The following CALN1 variants were observed in gnomAD, a reference collection of about 807,000 sequenced individuals.
CALN1 encodes calcium-binding protein 8.
CALN1 carries 17 observed loss-of-function variants against 30.6 expected under a neutral mutation model. The observed-to-expected ratio is 0.56, with a 90% CI of 0.38 to 0.83. The LOEUF is 0.83. Ranked by LOEUF, CALN1 falls within the 40% of genes least tolerant of loss-of-function variation. CALN1 has a pLI of 0.00. For synonymous variants in CALN1, 156 were observed against 131.4 expected (o/e 1.19, Z -1.28); for missense variants, 291 against 354.9 (o/e 0.82, Z 1.45).
intron 3 of CALN1, among the ~76,000 whole-genome samples, chr7:72,188,655 C>T (rs1790382601): frequency 6.6e-6 from 1 of 152,092 alleles, no homozygotes; most frequent in African/African-American, 2.4e-5. Flanking sequence ...CACTAAAGAA[C>T]TTACTCACGT....
rs868767682 is a variant in CALN1, at chr7:72,251,405, T to C, written c.244+27281A>G. The stretch of plus-strand genomic sequence containing the variant: ...TCTTTCCTCTGAACTACTTTTTTTT[T>C]CCTTTTTTCTTGAAACAGAGTGTTG... On this transcript the variant is annotated intron_variant, in intron 3 of 6. Coordinates refer to ENST00000395275, the MANE Select transcript of CALN1 (RefSeq NM_031468.4). 1.1e-4 allele frequency among the ~76,000 whole-genome samples: 16 copies of C among 152,250 alleles called. 1 individual carries two copies. In the South Asian group the frequency reaches 1.2e-3, roughly 12 times the overall value.
intron 3 of CALN1, among the ~76,000 whole-genome samples, chr7:72,136,158 A>C (rs1325122940): frequency 6.6e-6 from 1 of 151,616 alleles, no homozygotes; most frequent in Non-Finnish European, 1.5e-5. Flanking sequence ...TAAATAAATA[A>C]ATAAATAAAT....
intron 5 of CALN1, among the ~76,000 whole-genome samples, chr7:71,919,918 C>T (rs1794854421): frequency 6.6e-6 from 1 of 152,176 alleles, no homozygotes; most frequent in Non-Finnish European, 1.5e-5. Context: ...CGATGTGTTC[C>T]TGAGCCTGGT....
At chr7:72,229,359 C>A (rs570368240) in intron 3 of CALN1, among the ~76,000 whole-genome samples, 2 of 152,028 alleles carry the variant, frequency 1.3e-5, no homozygotes, top group Non-Finnish European at 2.9e-5. Flanking sequence ...GTGGCTCATG[C>A]CTGTAATCCC....
In CALN1 at chr7:71,782,898, A is replaced by T. The variant is rs1028780377; in HGVS notation, c.*4877T>A. On this transcript the variant is annotated 3_prime_UTR_variant, in exon 7 of 7. Coordinates refer to ENST00000395275, the MANE Select transcript of CALN1 (RefSeq NM_031468.4). ...GCTAGGATTACAGGTGCCCGACACCATGCTTGGCTAATTTTTGTATTTTTT... is the reference window on the plus strand; with the variant it reads ...GCTAGGATTACAGGTGCCCGACACCTTGCTTGGCTAATTTTTGTATTTTTT... The T allele has an allele frequency of 6.6e-6, 1 of 151,368 alleles. No homozygotes were observed. Among genetic ancestry groups the T allele is most frequent in the African/African-American group, 2.4e-5 (1 of 41,186 alleles). 9.4% of individuals were successfully genotyped at this position (151,368 alleles called of 1,614,324 possible).
chr7:72,423,022 G>C lies in CALN1; in HGVS notation c.-225-10747C>G, dbSNP rs183648150. ...CAGCTACTCAGGGGCTAAGACATGA[G>C]AATCGCTTGAACCCGGGAGATGGAG... On this transcript the variant is annotated intron_variant, in intron 1 of 6. Transcript: ENST00000395276. 2.2e-3 allele frequency among the ~76,000 whole-genome samples: 337 copies of C among 150,814 alleles called. 1 individual carries two copies. Among genetic ancestry groups the C allele is most frequent in the African/African-American group, 7.7e-3 (314 of 40,974 alleles).
chr7:72,403,709 G>A (rs1402345168), intron 1 of CALN1, among the ~76,000 whole-genome samples: 1 of 152,106 alleles, frequency 6.6e-6, no homozygotes. Flanking sequence ...TTTTCCATTC[G>A]TACCCCCGTG....
At chr7:72,207,070 A>C (rs990214852) in intron 3 of CALN1, among the ~76,000 whole-genome samples, 1 of 152,176 alleles carries the variant, frequency 6.6e-6, no homozygotes, top group Non-Finnish European at 1.5e-5. Context: ...AACTATTACA[A>C]TTTGCCAGAA....
At position 72,189,231 on chromosome 7, in the gene CALN1, G is replaced by A. The variant is rs149590145; in HGVS notation, c.245-82937C>T. ...ATGCTTATGGGTGTTCTGTCCTTTG[G>A]GGTTGATGTCAGGGAGCCAAGTGGT... On this transcript the variant is annotated intron_variant, in intron 3 of 6. Coordinates refer to ENST00000395275, the MANE Select transcript of CALN1 (RefSeq NM_031468.4). Among the ~76,000 whole-genome samples the A allele has an allele frequency of 5.3e-4, 80 of 152,228 alleles. 3 individuals carry two copies. In the East Asian group the frequency reaches 0.015, roughly 28 times the overall value.
upstream of CALN1, among the ~76,000 whole-genome samples, chr7:72,451,212 G>A (rs35614820): frequency 0.18 from 18,281 of 100,252 alleles, 1,381 homozygotes; most frequent in African/African-American, 0.22. Flanking sequence ...GAAGAAGAAG[G>A]AGGAGGAGGA....
intron 6 of CALN1, among the ~76,000 whole-genome samples, chr7:71,788,491 G>GC (rs1405135110): frequency 2.4e-5 from 3 of 126,830 alleles, no homozygotes; most frequent in Non-Finnish European, 3.4e-5. Context: ...TTTTTTTGTT[G>GC]TTTTTTTTTT....
Position 71,987,018 on chromosome 7 carries a change from C to T in CALN1, c.501+36639G>A, listed in dbSNP as rs755143487. 1.4e-4 allele frequency among the ~76,000 whole-genome samples: 21 copies of T among 151,838 alleles called. No homozygotes were observed. In the East Asian group the frequency reaches 3.1e-3, roughly 22 times the overall value. Reference sequence around the variant, plus strand: ...GTATACGCCTGTAATCCCAGCTACTCGGGAGGTGGAGGCAGGAGAATCACT... The same window carrying T: ...GTATACGCCTGTAATCCCAGCTACTTGGGAGGTGGAGGCAGGAGAATCACT... On this transcript the variant is annotated intron_variant, in intron 5 of 6. Coordinates refer to ENST00000395275, the MANE Select transcript of CALN1 (RefSeq NM_031468.4).
At chr7:72,501,956 T>TATATATATAAATATATATACACAC in the CALN1 span, among the ~76,000 whole-genome samples, 11 of 103,256 alleles carry the variant, frequency 1.1e-4, 1 homozygote, top group African/African-American at 4.8e-4. Flanking sequence ...TATACACACA[T>TATATATATAAATATATATACACAC]ATATATATAT....
At chr7:72,078,006 C>T (rs1287128641) in intron 4 of CALN1, among the ~76,000 whole-genome samples, 1 of 152,102 alleles carries the variant, frequency 6.6e-6, no homozygotes, top group Non-Finnish European at 1.5e-5. Flanking sequence ...GTGCTAGGCC[C>T]ACAGGTCTAT....
At chr7:72,499,858 T>C in the CALN1 span, among the ~76,000 whole-genome samples, 5,944 of 49,768 alleles carry the variant, frequency 0.12, 882 homozygotes, top group African/African-American at 0.28. Context: ...TCTTTCTTTC[T>C]TTCTTTCTTT....
chr7:71,975,763 C>A (rs1798071162), intron 5 of CALN1, among the ~76,000 whole-genome samples: 1 of 151,292 alleles, frequency 6.6e-6, no homozygotes, highest in Admixed American at 6.6e-5. Context: ...GAGATCACAC[C>A]AATAATTATT....
rs529982715 is a variant in CALN1, at chr7:72,291,960, C to A, written c.120-13150G>T. Among the ~76,000 whole-genome samples the A allele has an allele frequency of 2.0e-5, 3 of 151,560 alleles. No individual in the cohort carries two copies. In the South Asian group the frequency reaches 6.3e-4, roughly 32 times the overall value. ...ATGTGATGGTATTAGCAGATAGGGGCCACCGCACTTCAGCCTGGGTGACAG... is the reference window on the plus strand; with the variant it reads ...ATGTGATGGTATTAGCAGATAGGGGACACCGCACTTCAGCCTGGGTGACAG... On this transcript the variant is annotated intron_variant, in intron 2 of 6. Transcript: ENST00000395275.
intron 5 of CALN1, among the ~76,000 whole-genome samples, chr7:71,999,533 A>G (rs914296761): frequency 6.7e-6 from 1 of 149,760 alleles, no homozygotes; most frequent in Non-Finnish European, 1.5e-5. Flanking sequence ...TTTTTTTTTG[A>G]GTTGGAATCT....
chr7:71,995,868 G>T (rs897003686), intron 5 of CALN1, among the ~76,000 whole-genome samples: 19 of 152,104 alleles, frequency 1.2e-4, no homozygotes, highest in African/African-American at 4.6e-4. Context: ...GCGTGGCCTG[G>T]GGAATGCTCT....
Sources: allele counts gnomAD v4.1 joint callset (sites outside exome capture counted in the v4.1 genomes callset), GRCh38; gene constraint gnomAD v4.1.1; transcripts MANE v1.5; gene names NCBI Gene and HGNC (gene_info 2026-07-23, HGNC 2026-07-21).